RAB3GAP2: variants seen among roughly 807,000 people sequenced by gnomAD.
The protein encoded by RAB3GAP2 is RAB3 GTPase activating non-catalytic protein subunit 2.
A neutral mutation model predicts 185.3 loss-of-function variants in RAB3GAP2; 87 were observed. The observed-to-expected ratio is 0.47, with a 90% confidence interval of 0.39 to 0.56. The LOEUF is 0.56. Among genes scored for constraint, RAB3GAP2 ranks in the 20% least tolerant of loss-of-function variants. The pLI is 0.00. For missense variants in RAB3GAP2, 1,492 were observed against 1,638.2 expected, an observed-to-expected ratio of 0.91 and a Z score of 1.54; for synonymous variants, 554 against 576.1, an observed-to-expected ratio of 0.96 and a Z score of 0.55.
chr1:220,189,878 G>C, intron 16 of RAB3GAP2, 111 bp from the exon 17 acceptor site: 2 of 1,126,186 alleles, frequency 1.8e-6, no homozygotes, highest in African/African-American at 3.2e-5. Flanking sequence ...AGGATTTTTG[G>C]GTTCTCTCAC....
At chr1:220,154,092 T>C in intron 31 of RAB3GAP2, 35 bp from the exon 32 acceptor site, 1 of 1,610,760 alleles carries the variant, frequency 6.2e-7, no homozygotes, top group African/African-American at 1.3e-5. Context: ...CTGATGAGTG[T>C]GGATTATTAA....
At chr1:220,241,144 C>T (rs1477854781) in intron 1 of RAB3GAP2, among the ~76,000 whole-genome samples, 3 of 152,074 alleles carry the variant, frequency 2.0e-5, no homozygotes, top group Non-Finnish European at 4.4e-5. Context: ...CTGCTTTCCA[C>T]AGCTCTATTT....
chr1:220,202,225 T>C, intron 9 of RAB3GAP2, 51 bp downstream of exon 9: 1 of 1,571,996 alleles, frequency 6.4e-7, no homozygotes, highest in African/African-American at 1.4e-5. Flanking sequence ...GATACTTCAA[T>C]AAAAAGTGTA....
intron 4 of RAB3GAP2, 167 bp from the exon 5 acceptor site, chr1:220,211,169 A>G (rs1158099125): frequency 8.3e-6 from 6 of 719,272 alleles, no homozygotes; most frequent in Non-Finnish European, 1.5e-5. Context: ...GGTAAGGTCC[A>G]TAAAATTCAT....
intron 9 of RAB3GAP2, among the ~76,000 whole-genome samples, chr1:220,198,641 G>A (rs537615132): frequency 1.4e-4 from 21 of 152,124 alleles, no homozygotes; most frequent in Admixed American, 4.6e-4. Flanking sequence ...TAAATTCACT[G>A]TTTTTATTAT....
At chr1:220,256,049 C>G (rs1477272722) in intron 1 of RAB3GAP2, among the ~76,000 whole-genome samples, 1 of 152,118 alleles carries the variant, frequency 6.6e-6, no homozygotes, top group East Asian at 1.9e-4. Flanking sequence ...AGGTCACCTA[C>G]AAAAGGAAAC....
chr1:220,197,076 T>G (rs904904773), intron 9 of RAB3GAP2, among the ~76,000 whole-genome samples: 10 of 151,536 alleles, frequency 6.6e-5, no homozygotes, highest in Non-Finnish European at 1.5e-4. Flanking sequence ...AACCTCTGCC[T>G]CCCAGGTTCA....
In RAB3GAP2 at chr1:220,213,856, G is replaced by T; in HGVS notation, c.304C>A (p.Pro102Thr). ...TCGCTGAAAATAATAGGATACTCAC[G>T]CACTAGAAATACAGCTTTTTGCTCT... ...AREQKAVFLV[P>T]KWKYSDKGKE... The change falls in exon 3 of 35, where the codon CCA (proline) becomes ACA (threonine). Residue 102 changes from proline (P) to threonine (T), a missense_variant and splice_region_variant. Pro to Thr is a conservative substitution (Grantham distance 38). Coordinates refer to ENST00000358951, the MANE Select transcript of RAB3GAP2 (RefSeq NM_012414.4). 1 of 1,612,166 alleles carries T rather than the reference G, an allele frequency of 6.2e-7. No individual in the cohort carries two copies. The highest frequency in any genetic ancestry group is 2.2e-5 in the East Asian group (1 of 44,806).
At chr1:220,182,232 C>T (rs766480873) in intron 21 of RAB3GAP2, 25 bp downstream of exon 21, 2 of 1,613,280 alleles carry the variant, frequency 1.2e-6, no homozygotes, top group Non-Finnish European at 1.7e-6. Flanking sequence ...GGAAGAACAG[C>T]ATCCAGCAAC....
intron 21 of RAB3GAP2, among the ~76,000 whole-genome samples, chr1:220,173,075 G>A (rs564069343): frequency 1.3e-5 from 2 of 152,316 alleles, no homozygotes; most frequent in East Asian, 1.9e-4. Context: ...GTTGATGAAC[G>A]AGGTGCCACT....
intron 2 of RAB3GAP2, among the ~76,000 whole-genome samples, chr1:220,224,392 G>A (rs1659365971): frequency 6.6e-6 from 1 of 152,088 alleles, no homozygotes; most frequent in South Asian, 2.1e-4. Flanking sequence ...AAGGGCAAAG[G>A]AAAACTAGAT....
chr1:220,232,764 T>C, intron 2 of RAB3GAP2, 35 bp downstream of exon 2: 1 of 1,550,028 alleles, frequency 6.5e-7, no homozygotes, highest in Non-Finnish European at 8.9e-7. Context: ...AAAATGCCAC[T>C]ATCAAAAAAC....
intron 28 of RAB3GAP2, among the ~76,000 whole-genome samples, chr1:220,161,431 T>G (rs1379981518): frequency 6.6e-6 from 1 of 152,196 alleles, no homozygotes; most frequent in Non-Finnish European, 1.5e-5. Flanking sequence ...TAAAACACAC[T>G]AACTAGTGTC....
chr1:220,160,103 T>C (rs908135988), intron 28 of RAB3GAP2, among the ~76,000 whole-genome samples: 1 of 151,872 alleles, frequency 6.6e-6, no homozygotes, highest in Admixed American at 6.6e-5. Flanking sequence ...AGCTTGTTGA[T>C]AAAGGCACAA....
At chr1:220,191,982 T>A (rs61830448) in intron 13 of RAB3GAP2, among the ~76,000 whole-genome samples, 37,080 of 151,952 alleles carry the variant, frequency 0.24, 4,686 homozygotes, top group East Asian at 0.39. Flanking sequence ...ACGTAGCTGA[T>A]GCTATTTTCC....
chr1:220,241,420 A>G (rs1659694977), intron 1 of RAB3GAP2, among the ~76,000 whole-genome samples: 1 of 152,090 alleles, frequency 6.6e-6, no homozygotes. Flanking sequence ...GTACAGAAGT[A>G]AATTCATTTC....
intron 1 of RAB3GAP2, among the ~76,000 whole-genome samples, chr1:220,256,426 TGG>T (rs1660032741): frequency 6.6e-6 from 1 of 152,154 alleles, no homozygotes. Flanking sequence ...TAAATGTAAA[TGG>T]GCTAAATGCC....
intron 1 of RAB3GAP2, among the ~76,000 whole-genome samples, chr1:220,236,474 C>A (rs528310694): frequency 6.6e-6 from 1 of 152,080 alleles, no homozygotes; most frequent in African/African-American, 2.4e-5. Flanking sequence ...CTGCGCTCCG[C>A]CCCTTGTGGC....
chr1:220,161,165 A>G (rs1465742379), intron 28 of RAB3GAP2, among the ~76,000 whole-genome samples: 3 of 152,172 alleles, frequency 2.0e-5, no homozygotes, highest in Non-Finnish European at 1.5e-5. Flanking sequence ...GTTCCAAGAA[A>G]GAAGCTATTC....
Sources: gnomAD v4.1 joint callset for allele counts (sites outside exome capture counted in the v4.1 genomes callset) on GRCh38, gnomAD v4.1.1 for gene constraint, MANE v1.5 for transcripts, NCBI Gene and HGNC (gene_info 2026-07-23, HGNC 2026-07-21) for gene names.